The following CDIN1 variants were observed in gnomAD, a reference collection of about 807,000 sequenced individuals.
The protein encoded by CDIN1 is CDAN1 interacting nuclease 1.
A neutral mutation model predicts 45.3 loss-of-function variants in CDIN1; 33 were observed. That is an observed-to-expected ratio of 0.73 (90% CI 0.55 to 0.97). The LOEUF is 0.97. Ranked by LOEUF, CDIN1 falls within the 50% of genes least tolerant of loss-of-function variation. CDIN1 has a pLI of 0.00. For synonymous variants in CDIN1, 118 were observed against 124.4 expected, an observed-to-expected ratio of 0.95 and a Z score of 0.34; for missense variants, 303 against 339.4, an observed-to-expected ratio of 0.89 and a Z score of 0.84.
intron 1 of CDIN1, among the ~76,000 whole-genome samples, chr15:36,624,520 A>G (rs1195087015): frequency 2.0e-5 from 3 of 152,230 alleles, no homozygotes; most frequent in South Asian, 2.1e-4. Context: ...TTGAAAATCT[A>G]TAGTTTTTTC....
At chr15:36,581,792 T>C (rs898706633) in intron 1 of CDIN1, among the ~76,000 whole-genome samples, 4 of 152,254 alleles carry the variant, frequency 2.6e-5, no homozygotes, top group African/African-American at 9.6e-5. Flanking sequence ...GAGGCTGAGG[T>C]GGGTGAATCA....
intron 5 of CDIN1, among the ~76,000 whole-genome samples, chr15:36,678,665 A>G (rs1408875854): frequency 6.6e-6 from 1 of 152,144 alleles, no homozygotes; most frequent in Admixed American, 6.6e-5. Context: ...GACTGCTGCC[A>G]TCCAGTACAC....
intron 10 of CDIN1, among the ~76,000 whole-genome samples, chr15:36,754,521 T>A (rs1456317944): frequency 6.7e-6 from 1 of 149,642 alleles, no homozygotes; most frequent in African/African-American, 2.5e-5. Context: ...ATAACTCTTT[T>A]GAAAACTCCC....
chr15:36,663,319 TTGA>T (rs1304670703), intron 5 of CDIN1, among the ~76,000 whole-genome samples: 1 of 152,296 alleles, frequency 6.6e-6, no homozygotes, highest in Non-Finnish European at 1.5e-5. Flanking sequence ...GCAGAGTGAC[TTGA>T]TGAGAGCTTT....
chr15:36,763,736 T>C (rs908963746), intron 10 of CDIN1, among the ~76,000 whole-genome samples: 4 of 152,162 alleles, frequency 2.6e-5, no homozygotes, highest in African/African-American at 7.2e-5. Flanking sequence ...TTCTACATTG[T>C]ATGTCTGTGT....
intron 1 of CDIN1, among the ~76,000 whole-genome samples, chr15:36,605,910 C>T (rs1034112457): frequency 3.9e-5 from 6 of 152,170 alleles, no homozygotes; most frequent in Non-Finnish European, 8.8e-5. Context: ...AAGTCATTAA[C>T]ATATGACAGA....
rs147764649 is a variant in CDIN1 at position 36,736,851 on chromosome 15, C to A, written c.716+26890C>A. 1.4e-3 allele frequency among the ~76,000 whole-genome samples: 215 copies of A among 152,234 alleles called. 2 individuals carry two copies. The highest frequency in any genetic ancestry group is 1.9e-3 in the Non-Finnish European group (132 of 68,010). ...CTTCTAGCCAAACAAATATGCCTCACACCCTTTTTAATCATTTAAAAATGC... is the reference window on the plus strand; with the variant it reads ...CTTCTAGCCAAACAAATATGCCTCAAACCCTTTTTAATCATTTAAAAATGC... On this transcript the variant is annotated intron_variant, in intron 10 of 10. Transcript: ENST00000566621.
intron 10 of CDIN1, among the ~76,000 whole-genome samples, chr15:36,783,655 T>C (rs114497565): frequency 0.012 from 1,880 of 152,226 alleles, 38 homozygotes; most frequent in African/African-American, 0.042. Flanking sequence ...GTGATACACA[T>C]GAACATACAG....
intron 10 of CDIN1, among the ~76,000 whole-genome samples, chr15:36,737,034 G>A (rs2044049658): frequency 6.6e-6 from 1 of 152,088 alleles, no homozygotes; most frequent in East Asian, 1.9e-4. Flanking sequence ...CAGGCGTGGT[G>A]GCACACGCCT....
At chr15:36,626,677 T>C in intron 1 of CDIN1, 1 of 400,270 alleles carries the variant, frequency 2.5e-6, no homozygotes, top group Non-Finnish European at 5.0e-6. Context: ...CTGGAAATCA[T>C]GAGCTTCCTA....
chr15:36,792,877 C>T (rs1414229427), intron 10 of CDIN1, among the ~76,000 whole-genome samples: 2 of 152,160 alleles, frequency 1.3e-5, no homozygotes, highest in Non-Finnish European at 2.9e-5. Context: ...CCGTGCCCTT[C>T]CCTCCGGTCC....
At chr15:36,777,710 A>T (rs1198146300) in intron 10 of CDIN1, among the ~76,000 whole-genome samples, 4 of 152,176 alleles carry the variant, frequency 2.6e-5, no homozygotes, top group African/African-American at 4.8e-5. Context: ...TCCCAGGCTC[A>T]AGCAATCCTC....
intron 5 of CDIN1, among the ~76,000 whole-genome samples, chr15:36,682,863 C>T (rs1359544954): frequency 6.6e-6 from 1 of 150,376 alleles, no homozygotes; most frequent in Non-Finnish European, 1.5e-5. Context: ...TAAAATTTAA[C>T]ACCGTAGAGA....
At chr15:36,621,872 G>GTT (rs553981750) in intron 1 of CDIN1, among the ~76,000 whole-genome samples, 6 of 142,376 alleles carry the variant, frequency 4.2e-5, no homozygotes, top group East Asian at 2.0e-4. Context: ...AACAAGTTCA[G>GTT]TTTTTTTTTT....
At chr15:36,689,258 T>C (rs913798256) in intron 5 of CDIN1, among the ~76,000 whole-genome samples, 1 of 152,210 alleles carries the variant, frequency 6.6e-6, no homozygotes, top group Non-Finnish European at 1.5e-5. Context: ...TGAAAATAAA[T>C]GACTACTTTT....
In CDIN1 at chr15:36,739,231, C is replaced by CA. The variant is rs1471172982; in HGVS notation, c.716+29272dup. On this transcript the variant is annotated intron_variant, in intron 10 of 10. Coordinates refer to ENST00000566621, the MANE Select transcript of CDIN1 (RefSeq NM_001321759.2). ...ACATAGCAAGACCCTGTTTCAACAA[C>CA]AACAAAAAACAAAAACAAATTTAAA... Among the ~76,000 whole-genome samples, 104 of 151,856 alleles carry CA rather than the reference C, an allele frequency of 6.8e-4. 1 individual carries two copies. Among genetic ancestry groups the CA allele is most frequent in the African/African-American group, 2.4e-3 (100 of 41,402 alleles).
intron 1 of CDIN1, among the ~76,000 whole-genome samples, chr15:36,635,998 G>GTC (rs1472337661): frequency 6.6e-6 from 1 of 152,152 alleles, no homozygotes; most frequent in East Asian, 1.9e-4. Flanking sequence ...TTCATTGGGA[G>GTC]TCTCGGGGAG....
intron 5 of CDIN1, among the ~76,000 whole-genome samples, chr15:36,679,043 A>T (rs780676806): frequency 6.6e-6 from 1 of 152,232 alleles, no homozygotes; most frequent in Admixed American, 6.5e-5. Context: ...AGACTTAAAT[A>T]ACAAAGTTTC....
chr15:36,786,582 T>C (rs1483465588), intron 10 of CDIN1, among the ~76,000 whole-genome samples: 1 of 152,192 alleles, frequency 6.6e-6, no homozygotes, highest in African/African-American at 2.4e-5. Flanking sequence ...CACAAGATCA[T>C]ATTAGACCCC....
Sources: allele counts gnomAD v4.1 joint callset (sites outside exome capture counted in the v4.1 genomes callset), GRCh38; gene constraint gnomAD v4.1.1; transcripts MANE v1.5; gene names NCBI Gene and HGNC (gene_info 2026-07-23, HGNC 2026-07-21).